PHYHD1: variants seen among roughly 807,000 people sequenced by gnomAD.
PHYHD1 encodes the protein phytanoyl-CoA dioxygenase domain-containing protein 1.
Under a neutral mutation model 43.6 loss-of-function variants are expected in PHYHD1, and 42 were observed. The ratio of observed to expected loss-of-function variants is 0.96; its 90% CI spans 0.75 to 1.25. The LOEUF (loss-of-function observed/expected upper bound fraction) is 1.25, where lower values mean the gene tolerates loss of function less well. PHYHD1 is among the 50% of genes most tolerant of loss of function. The probability of loss-of-function intolerance (pLI) is 0.00; values close to 1 mark genes in which losing one functional copy is unlikely to be tolerated. For synonymous variants in PHYHD1, 139 were observed against 143.6 expected (o/e 0.97, Z 0.23); for missense variants, 342 against 370.8 (o/e 0.92, Z 0.64).
rs549829712 is a variant in PHYHD1 at position 128,933,458 on chromosome 9, C to A, written c.193-324C>A. Among the ~76,000 whole-genome samples, 46 of 152,100 alleles carry A rather than the reference C, an allele frequency of 3.0e-4. No homozygotes were observed. The South Asian group carries it at 8.1e-3, about 27-fold the overall frequency. On this transcript the variant is annotated intron_variant, in intron 4 of 12. Coordinates refer to ENST00000372592, the MANE Select transcript of PHYHD1 (RefSeq NM_001100876.2). The stretch of plus-strand genomic sequence containing the variant: ...CCAGCCATTATTATTCCTTTTTTTA[C>A]AGATGAGAAAATGAAGTCTTGGTGA...
chr9:128,936,306 C>G, intron 6 of PHYHD1, 142 bp from the exon 7 acceptor site: 1 of 1,158,284 alleles, frequency 8.6e-7, no homozygotes, highest in East Asian at 2.6e-5. Context: ...GAGCCCATTA[C>G]TCAGTTGTAA....
intron 2 of PHYHD1, 58 bp downstream of exon 2, chr9:128,922,105 TTGGA>T (rs1382639091): frequency 1.8e-6 from 1 of 556,864 alleles, no homozygotes; most frequent in Non-Finnish European, 3.2e-6. Context: ...GATAAAATCC[TTGGA>T]GATGGGAAAG....
In PHYHD1 at chr9:128,936,661, T is replaced by C; in HGVS notation, c.435+16T>C. ...CATCTTTAAGGTGAGCTCCTTGTCC[T>C]TGCCTCAGTTTACCATCTGTAAAAT... On this transcript the variant is annotated intron_variant, in intron 8 of 12. Transcript: ENST00000372592. 28 of 1,551,558 alleles carry C rather than the reference T, an allele frequency of 1.8e-5. No individual in the cohort carries two copies. The highest frequency in any genetic ancestry group is 2.4e-5 in the Non-Finnish European group (28 of 1,146,884).
intron 9 of PHYHD1, among the ~76,000 whole-genome samples, chr9:128,938,313 C>T (rs1430694999): frequency 6.6e-6 from 1 of 151,412 alleles, no homozygotes; most frequent in Non-Finnish European, 1.5e-5. Flanking sequence ...GTCTCAAAAC[C>T]AAACAAACAA....
At chr9:128,924,793 G>C (rs2131095297) in intron 3 of PHYHD1, among the ~76,000 whole-genome samples, 1 of 152,168 alleles carries the variant, frequency 6.6e-6, no homozygotes, top group South Asian at 2.1e-4. Context: ...AAATTAGCCA[G>C]GTGTGGTGGT....
chr9:128,935,350 C>T (rs943550150), intron 6 of PHYHD1, among the ~76,000 whole-genome samples: 5 of 152,048 alleles, frequency 3.3e-5, no homozygotes, highest in Admixed American at 1.3e-4. Context: ...CATTGCCGGG[C>T]GTGGTGGCTC....
In PHYHD1 at chr9:128,940,612, A is replaced by G. The variant is rs2273866; in HGVS notation, c.600A>G (p.Arg200=). Residue 200 remains arginine (R), a synonymous_variant, in exon 11 of 13, where the codon AGA becomes AGG. Coordinates refer to ENST00000372592, the MANE Select transcript of PHYHD1 (RefSeq NM_001100876.2). ...IPGSHTSGVS[R]RMVRAPVGSA... is the part of the protein sequence containing the mutation. ...CTTGGCCTGCAGGTGGTGTGTCAAG[A>G]AGGATGGTCCGGGCCCCTGTTGGCT... 615,032 of 1,613,816 alleles carry G rather than the reference A, an allele frequency of 0.38. 118,975 individuals carry two copies. Among genetic ancestry groups the G allele is most frequent in the Admixed American group, 0.44 (26,223 of 60,000 alleles).
intron 9 of PHYHD1, among the ~76,000 whole-genome samples, chr9:128,939,751 T>G: frequency 8.7e-6 from 1 of 114,718 alleles, no homozygotes; most frequent in Non-Finnish European, 2.0e-5. Flanking sequence ...GCCTCCCGAG[T>G]TCAAGCAATT....
At chr9:128,923,787 C>T (rs1461934709) in intron 3 of PHYHD1, among the ~76,000 whole-genome samples, 3 of 152,084 alleles carry the variant, frequency 2.0e-5, no homozygotes, top group African/African-American at 7.2e-5. Flanking sequence ...GAGTTCAAGA[C>T]CAGCTTGGGC....
chr9:128,936,584 C>A lies in PHYHD1; in HGVS notation c.374C>A (p.Thr125Asn), dbSNP rs1308911019. 1 of 1,585,872 alleles carries A rather than the reference C, an allele frequency of 6.3e-7. No homozygotes were observed. Among genetic ancestry groups the A allele is most frequent in the Non-Finnish European group, 8.6e-7 (1 of 1,165,494 alleles). The change falls in exon 8 of 13, where the codon ACC (threonine) becomes AAC (asparagine). Residue 125 changes from threonine (T) to asparagine (N), a missense_variant and splice_region_variant. Transcript: ENST00000372592. ...AGCATGACCTTTGCCCCCCTCCAGA[C>A]CTTGGCCAGAAGTCTGGGCCTCCAG... ...KSITHSFKVQ[T>N]LARSLGLQMP...
chr9:128,932,742 C>T (rs527285070), intron 4 of PHYHD1, among the ~76,000 whole-genome samples: 1 of 63,006 alleles, frequency 1.6e-5, no homozygotes, highest in South Asian at 4.1e-4. Flanking sequence ...TCTCGTGATC[C>T]GCCTGCCTCA....
intron 3 of PHYHD1, among the ~76,000 whole-genome samples, chr9:128,922,649 T>C (rs1340640613): frequency 6.6e-6 from 1 of 152,110 alleles, no homozygotes; most frequent in South Asian, 2.1e-4. Context: ...GGCAACGCTG[T>C]TGGGGGGCGC....
At position 128,922,293 on chromosome 9, in the gene PHYHD1, T is replaced by C. The variant is rs200538963; in HGVS notation, c.-31T>C. 4.1e-4 allele frequency: 633 copies of C among 1,550,664 alleles called. 4 individuals carry two copies. In the African/African-American group the frequency reaches 7.2e-3, roughly 18 times the overall value. On this transcript the variant is annotated 5_prime_UTR_variant, in exon 3 of 13. Transcript: ENST00000372592. ...TCTCCTCCCCACCAGGAGGCCGCGCTTAGAAGCCGCCCAGTGCCCTGAGCG... is the reference window on the plus strand; with the variant it reads ...TCTCCTCCCCACCAGGAGGCCGCGCCTAGAAGCCGCCCAGTGCCCTGAGCG...
At chr9:128,938,089 C>A (rs1180458304) in intron 9 of PHYHD1, 2 of 714,060 alleles carry the variant, frequency 2.8e-6, no homozygotes, top group Non-Finnish European at 4.1e-6. Context: ...AGCGGATCAC[C>A]TGAGGTCAGG....
intron 6 of PHYHD1, among the ~76,000 whole-genome samples, chr9:128,935,153 T>C (rs537033236): frequency 6.6e-6 from 1 of 152,260 alleles, no homozygotes; most frequent in East Asian, 1.9e-4. Flanking sequence ...GGAGGTCTCG[T>C]TATGTTGCCT....
At chr9:128,927,846 GC>G (rs1841175581) in intron 4 of PHYHD1, among the ~76,000 whole-genome samples, 1 of 152,212 alleles carries the variant, frequency 6.6e-6, no homozygotes, top group South Asian at 2.1e-4. Context: ...CCACTTTGTG[GC>G]CAGCCACCTG....
intron 8 of PHYHD1, among the ~76,000 whole-genome samples, chr9:128,937,365 C>T (rs1448533677): frequency 1.3e-5 from 2 of 152,180 alleles, no homozygotes; most frequent in Admixed American, 1.3e-4. Flanking sequence ...GCTGTGCTCC[C>T]AGCTTTCAAG....
rs764028972 is a variant in PHYHD1, at chr9:128,941,460, T to C, written c.719T>C (p.Ile240Thr). ...TCTCTGCCAGGGGCCCTGGTCCTCA[T>C]CCATGGAGAAGTGGTACACAAGAGC... is the stretch of plus-strand genomic sequence containing the variant. Reference protein sequence around the residue: ...TPVQRGALVLIHGEVVHKSKQ... With the variant: ...TPVQRGALVLTHGEVVHKSKQ... The change falls in exon 12 of 13, where the codon ATC (isoleucine) becomes ACC (threonine). Residue 240 changes from isoleucine (I) to threonine (T), a missense_variant. Transcript: ENST00000372592. The C allele has an allele frequency of 7.4e-6, 12 of 1,613,640 alleles. No individual in the cohort carries two copies. The South Asian group carries it at 1.1e-4, about 15-fold the overall frequency.
chr9:128,932,172 A>ATTTTTTTTTTTTTTTTTTTTTTTTT (rs1367583651), intron 4 of PHYHD1, among the ~76,000 whole-genome samples: 3 of 104,232 alleles, frequency 2.9e-5, no homozygotes, highest in African/African-American at 8.6e-5. Context: ...TATTATTGTT[A>ATTTTTTTTTTTTTTTTTTTTTTTTT]TTATTATTAT....
Sources: allele counts gnomAD v4.1 joint callset (sites outside exome capture counted in the v4.1 genomes callset), GRCh38; gene constraint gnomAD v4.1.1; transcripts MANE v1.5; gene names NCBI Gene and HGNC (gene_info 2026-07-23, HGNC 2026-07-21).